Variants in CHST11 observed in about 807,000 individuals in gnomAD.
CHST11 encodes the protein C4S-1.
CHST11 carries 9 observed loss-of-function variants against 30.4 expected under a neutral mutation model. That is an observed-to-expected ratio of 0.30 (90% CI 0.18 to 0.52). CHST11 has a LOEUF of 0.52. Among genes scored for constraint, CHST11 ranks in the 20% least tolerant of loss-of-function variants. The probability of loss-of-function intolerance (pLI) is 0.97; values close to 1 mark genes in which losing one functional copy is unlikely to be tolerated. For synonymous variants in CHST11, 152 were observed against 187.8 expected (o/e 0.81, Z 1.56); for missense variants, 348 against 460.6 (o/e 0.76, Z 2.24).
At position 104,523,064 on chromosome 12, in the gene CHST11, G is replaced by A. The variant is rs534882245; in HGVS notation, c.118+65535G>A. ...TGATGCTTGACTAATTAGAAATGGA[G>A]AATTTGCTTCTTAAAAAGGCAATCT... On this transcript the variant is annotated intron_variant, in intron 1 of 2. Transcript: ENST00000303694. 2.6e-5 allele frequency among the ~76,000 whole-genome samples: 4 copies of A among 152,324 alleles called. No individual in the cohort carries two copies. In the East Asian group the frequency reaches 5.8e-4, roughly 22 times the overall value.
rs114201801 is a variant in CHST11, at chr12:104,664,331, C to T, written c.204+62340C>T. 8.5e-3 allele frequency among the ~76,000 whole-genome samples: 1,297 copies of T among 152,294 alleles called. 11 individuals carry two copies. Among genetic ancestry groups the T allele is most frequent in the African/African-American group, 0.028 (1,176 of 41,550 alleles). ...TGCTAACAAAAATGTTCTTTGATTA[C>T]TTAAGACTTTATTTTTCTAAGTGTG... On this transcript the variant is annotated intron_variant, in intron 2 of 2. Coordinates refer to ENST00000303694, the MANE Select transcript of CHST11 (RefSeq NM_018413.6).
At chr12:104,590,884 T>G (rs73187417) in intron 1 of CHST11, among the ~76,000 whole-genome samples, 320 of 151,860 alleles carry the variant, frequency 2.1e-3, no homozygotes, top group Admixed American at 3.6e-3. Context: ...ATCGCACCAC[T>G]TTACTCCAGC....
intron 1 of CHST11, among the ~76,000 whole-genome samples, chr12:104,471,588 GGT>G (rs1191616854): frequency 6.6e-6 from 1 of 152,094 alleles, no homozygotes; most frequent in African/African-American, 2.4e-5. Context: ...GCAACGGGAG[GGT>G]CTGAGACAAG....
chr12:104,472,924 C>T (rs186764780), intron 1 of CHST11, among the ~76,000 whole-genome samples: 323 of 152,070 alleles, frequency 2.1e-3, no homozygotes, highest in Non-Finnish European at 3.6e-3. Context: ...CAGGTGAGGA[C>T]GCCTGCCAGA....
Position 104,458,369 on chromosome 12 carries a change from C to T in CHST11, c.118+840C>T, listed in dbSNP as rs1438080545. Among the ~76,000 whole-genome samples, 1 of 152,348 alleles carries T rather than the reference C, an allele frequency of 6.6e-6. No individual in the cohort carries two copies. The highest frequency in any genetic ancestry group is 2.4e-5 in the African/African-American group (1 of 41,596). Reference sequence around the variant, plus strand: ...TGGGATCCGAGCAACGGGAATCCCCCGGGCGGCGTGGGAATGAACCCCATT... The same window carrying T: ...TGGGATCCGAGCAACGGGAATCCCCTGGGCGGCGTGGGAATGAACCCCATT... On this transcript the variant is annotated intron_variant, in intron 1 of 2. Coordinates refer to ENST00000303694, the MANE Select transcript of CHST11 (RefSeq NM_018413.6). This position sits in a 1 kb window ranked among gnomAD's most constrained non-coding sequence, Gnocchi z 5.7.
intron 2 of CHST11, among the ~76,000 whole-genome samples, chr12:104,752,378 T>C (rs979310180): frequency 4.6e-5 from 7 of 152,206 alleles, no homozygotes; most frequent in African/African-American, 1.4e-4. Context: ...GCAAAAACCC[T>C]ATTTCCATAT....
intron 1 of CHST11, among the ~76,000 whole-genome samples, chr12:104,569,270 A>G (rs2038599574): frequency 6.6e-6 from 1 of 152,198 alleles, no homozygotes; most frequent in Non-Finnish European, 1.5e-5. Context: ...ACCCTCCTGG[A>G]GTTACCGTCT....
intron 1 of CHST11, among the ~76,000 whole-genome samples, chr12:104,554,289 C>T (rs184997194): frequency 1.2e-4 from 18 of 151,996 alleles, no homozygotes; most frequent in South Asian, 1.0e-3. Flanking sequence ...AAGAGGGGAC[C>T]GAGGGTTTGA....
intron 2 of CHST11, among the ~76,000 whole-genome samples, chr12:104,695,446 AGT>A (rs67943103): frequency 0.48 from 71,896 of 149,134 alleles, 17,686 homozygotes; most frequent in South Asian, 0.58. Context: ...CAACACAATG[AGT>A]GTGTGTGTGT....
rs569897693 is a variant in CHST11 at position 104,534,715 on chromosome 12, C to G, written c.119-67191C>G. On this transcript the variant is annotated intron_variant, in intron 1 of 2. Transcript: ENST00000303694. ...GTGTGAGTGGTGCCTGGCCTTGAAG[C>G]TCTGCTAATCTCCAGACGGCCAGAC... 1.8e-3 allele frequency among the ~76,000 whole-genome samples: 278 copies of G among 152,294 alleles called. 1 individual carries two copies. Among genetic ancestry groups the G allele is most frequent in the African/African-American group, 6.1e-3 (254 of 41,552 alleles).
At chr12:104,722,783 C>CT (rs1202966320) in intron 2 of CHST11, among the ~76,000 whole-genome samples, 8 of 152,030 alleles carry the variant, frequency 5.3e-5, no homozygotes, top group Admixed American at 1.3e-4. Context: ...TGAGGGGAGA[C>CT]TTTCTCAAAG....
chr12:104,566,532 G>A (rs2038568493), intron 1 of CHST11, among the ~76,000 whole-genome samples: 1 of 152,182 alleles, frequency 6.6e-6, no homozygotes, highest in Non-Finnish European at 1.5e-5. Flanking sequence ...GAGCAACTTT[G>A]TGACTTTCAC....
chr12:104,660,600 C>T (rs540448607), intron 2 of CHST11, among the ~76,000 whole-genome samples: 9 of 152,286 alleles, frequency 5.9e-5, no homozygotes, highest in South Asian at 2.1e-4. Flanking sequence ...ATTTCCATCC[C>T]GGCTGAGGTC....
At chr12:104,510,889 A>T (rs1030848177) in intron 1 of CHST11, among the ~76,000 whole-genome samples, 1 of 152,122 alleles carries the variant, frequency 6.6e-6, no homozygotes, top group Non-Finnish European at 1.5e-5. Context: ...ACTTTGAGGA[A>T]TGTACTCATG....
intron 2 of CHST11, among the ~76,000 whole-genome samples, chr12:104,747,270 C>T (rs896163712): frequency 2.0e-5 from 3 of 152,202 alleles, no homozygotes; most frequent in Admixed American, 6.5e-5. Context: ...GGTCTCAGAC[C>T]ACAGTCTGCC....
At chr12:104,627,261 T>C (rs1434220542) in intron 2 of CHST11, among the ~76,000 whole-genome samples, 2 of 152,208 alleles carry the variant, frequency 1.3e-5, no homozygotes, top group Admixed American at 1.3e-4. Context: ...TCTTGGTTGC[T>C]TCCAAGTTTT....
rs541665534 is a variant in CHST11, at chr12:104,589,837, C to T, written c.119-12069C>T. ...CCAGCGTGGTCAACATGGTGAAACC[C>T]CGTCTCTACGAAAATACAAAAATTA... On this transcript the variant is annotated intron_variant, in intron 1 of 2. Coordinates refer to ENST00000303694, the MANE Select transcript of CHST11 (RefSeq NM_018413.6). Among the ~76,000 whole-genome samples the T allele has an allele frequency of 2.0e-5, 3 of 152,100 alleles. No individual in the cohort carries two copies. In the East Asian group the frequency reaches 5.8e-4, roughly 29 times the overall value.
chr12:104,513,067 G>C (rs1446378478), intron 1 of CHST11, among the ~76,000 whole-genome samples: 1 of 147,262 alleles, frequency 6.8e-6, no homozygotes, highest in Non-Finnish European at 1.5e-5. Context: ...CAGGTCTTGA[G>C]GGGTGGAGCT....
chr12:104,622,377 A>G (rs898916091), intron 2 of CHST11, among the ~76,000 whole-genome samples: 8 of 152,158 alleles, frequency 5.3e-5, no homozygotes, highest in African/African-American at 1.9e-4. Flanking sequence ...TTTGGAATTA[A>G]TGGTGTTATA....
Sources: allele counts gnomAD v4.1 joint callset (sites outside exome capture counted in the v4.1 genomes callset), GRCh38; gene constraint gnomAD v4.1.1; non-coding constraint Gnocchi (gnomAD v3.1); transcripts MANE v1.5; gene names NCBI Gene and HGNC (gene_info 2026-07-23, HGNC 2026-07-21).